QTMAN: variants seen among roughly 807,000 people sequenced by gnomAD.
The protein encoded by QTMAN is tRNA-queuosine alpha-mannosyltransferase.
At chr2:144,051,291 G>C in the QTMAN span, among the ~76,000 whole-genome samples, 15 of 152,084 alleles carry the variant, frequency 9.9e-5, no homozygotes, top group Non-Finnish European at 2.9e-5. Flanking sequence ...AGCACTTCGG[G>C]AGGCCAAAGT....
the QTMAN span, among the ~76,000 whole-genome samples, chr2:144,011,508 A>G: frequency 6.6e-6 from 1 of 152,106 alleles, no homozygotes; most frequent in African/African-American, 2.4e-5. Flanking sequence ...AAGATCAAAT[A>G]GGCATAATAC....
At chr2:144,133,147 A>T in the QTMAN span, among the ~76,000 whole-genome samples, 24 of 49,154 alleles carry the variant, frequency 4.9e-4, 1 homozygote, top group Admixed American at 2.8e-3. Context: ...ATATATATAT[A>T]TATAATATAA....
At chr2:144,129,616 C>T in the QTMAN span, among the ~76,000 whole-genome samples, 6 of 151,926 alleles carry the variant, frequency 3.9e-5, no homozygotes, top group Admixed American at 1.3e-4. Context: ...CATTTCCCAG[C>T]ATTCTAAAAT....
At chr2:144,004,880 G>A in the QTMAN span, among the ~76,000 whole-genome samples, 1 of 151,986 alleles carries the variant, frequency 6.6e-6, no homozygotes, top group South Asian at 2.1e-4. Flanking sequence ...GAATGTCTTT[G>A]ATGTCCCCAC....
the QTMAN span, among the ~76,000 whole-genome samples, chr2:144,160,592 T>C: frequency 6.6e-6 from 1 of 152,082 alleles, no homozygotes; most frequent in Non-Finnish European, 1.5e-5. Flanking sequence ...CATGGTAACT[T>C]ATGCGCAGAA....
At chr2:144,072,893 T>C in the QTMAN span, among the ~76,000 whole-genome samples, 3 of 152,204 alleles carry the variant, frequency 2.0e-5, no homozygotes, top group Non-Finnish European at 4.4e-5. Context: ...GCAAAGATCT[T>C]GACTCCTAAG....
the QTMAN span, among the ~76,000 whole-genome samples, chr2:144,272,749 G>A: frequency 6.6e-6 from 1 of 152,090 alleles, no homozygotes; most frequent in Non-Finnish European, 1.5e-5. Flanking sequence ...ATGCATGCGT[G>A]TGTGTATGTG....
At chr2:144,096,332 A>G in the QTMAN span, among the ~76,000 whole-genome samples, 1 of 152,222 alleles carries the variant, frequency 6.6e-6, no homozygotes, top group East Asian at 1.9e-4. Context: ...TCCACTTAAA[A>G]GAGAGCCACG....
the QTMAN span, among the ~76,000 whole-genome samples, chr2:143,961,778 G>A: frequency 6.6e-6 from 1 of 152,108 alleles, no homozygotes; most frequent in Non-Finnish European, 1.5e-5. Flanking sequence ...GAAGCTGCAG[G>A]AGTAGACTTT....
At chr2:144,247,279 G>C in the QTMAN span, among the ~76,000 whole-genome samples, 3 of 152,176 alleles carry the variant, frequency 2.0e-5, no homozygotes, top group African/African-American at 4.8e-5. Context: ...AAAATTATAA[G>C]TAGTTCATAG....
At chr2:144,316,181 A>G in the QTMAN span, among the ~76,000 whole-genome samples, 1 of 151,628 alleles carries the variant, frequency 6.6e-6, no homozygotes, top group Non-Finnish European at 1.5e-5. Flanking sequence ...TTGAGGCTGC[A>G]GTAAGCCATG....
At chr2:144,007,417 A>C in the QTMAN span, 6 of 1,613,174 alleles carry the variant, frequency 3.7e-6, no homozygotes, top group Non-Finnish European at 5.1e-6. Context: ...TTCTTCAATA[A>C]ATCCTCTGAA....
chr2:144,242,174 G>A, the QTMAN span, among the ~76,000 whole-genome samples: 4 of 152,018 alleles, frequency 2.6e-5, no homozygotes, highest in Non-Finnish European at 4.4e-5. Context: ...AATAAGAAGA[G>A]CTTAACTTTA....
the QTMAN span, among the ~76,000 whole-genome samples, chr2:143,998,446 C>T: frequency 1.3e-5 from 2 of 151,376 alleles, no homozygotes; most frequent in Non-Finnish European, 2.9e-5. Flanking sequence ...GGGGGGAAAG[C>T]TTACATAATT....
At chr2:143,976,886 G>A in the QTMAN span, among the ~76,000 whole-genome samples, 83 of 152,284 alleles carry the variant, frequency 5.5e-4, no homozygotes, top group African/African-American at 2.0e-3. Context: ...TGCTTTTTGA[G>A]GGAGGGTGGA....
chr2:143,995,891 A>C, the QTMAN span, among the ~76,000 whole-genome samples: 2 of 152,122 alleles, frequency 1.3e-5, no homozygotes, highest in East Asian at 1.9e-4. Flanking sequence ...AGTATGTCCA[A>C]ATGCAAACTT....
the QTMAN span, among the ~76,000 whole-genome samples, chr2:143,969,435 C>T: frequency 6.6e-6 from 1 of 152,188 alleles, no homozygotes; most frequent in African/African-American, 2.4e-5. Context: ...CACTGAGCTC[C>T]ATCATTGTGT....
chr2:144,145,572 C>G, the QTMAN span: 15 of 1,603,876 alleles, frequency 9.4e-6, no homozygotes, highest in Non-Finnish European at 1.2e-5. Flanking sequence ...CCATACCTAC[C>G]ATGAAAGAAT....
chr2:144,059,810 C>T, the QTMAN span, among the ~76,000 whole-genome samples: 4 of 152,120 alleles, frequency 2.6e-5, no homozygotes, highest in Admixed American at 2.6e-4. Context: ...CTGGAATGCT[C>T]GTCCCCCTAT....
Sources: allele counts gnomAD v4.1 joint callset (sites outside exome capture counted in the v4.1 genomes callset), GRCh38; gene constraint gnomAD v4.1.1; transcripts MANE v1.5; gene names NCBI Gene and HGNC (gene_info 2026-07-23, HGNC 2026-07-21).